The following MDFI variants were observed in gnomAD, a reference collection of about 807,000 sequenced individuals.
MDFI encodes the protein MyoD family inhibitor, also known as inhibitor of MyoD family a.
A neutral mutation model predicts 22.3 loss-of-function variants in MDFI; 16 were observed. That is an observed-to-expected ratio of 0.72 (90% CI 0.49 to 1.09). MDFI has a LOEUF of 1.09. MDFI is among the 50% of genes least tolerant of loss of function. The probability of loss-of-function intolerance (pLI) is 0.00; values close to 1 mark genes in which losing one functional copy is unlikely to be tolerated. For missense variants in MDFI, 314 were observed against 326.1 expected, an observed-to-expected ratio of 0.96 and a Z score of 0.29; for synonymous variants, 145 against 142.7, an observed-to-expected ratio of 1.02 and a Z score of -0.12.
At chr6:41,640,567 C>T (rs1767816396) in intron 2 of MDFI, among the ~76,000 whole-genome samples, 2 of 152,344 alleles carry the variant, frequency 1.3e-5, no homozygotes, top group Middle Eastern at 6.8e-3. Context: ...GCCCAAACCG[C>T]AGGAGACCCA....
At chr6:41,652,819 T>A (rs1168637380) in intron 4 of MDFI, among the ~76,000 whole-genome samples, 1 of 152,058 alleles carries the variant, frequency 6.6e-6, no homozygotes, top group Non-Finnish European at 1.5e-5. Flanking sequence ...GATTTCGCCA[T>A]GTTGGCCAGG....
intron 4 of MDFI, chr6:41,650,110 C>T: frequency 2.3e-6 from 1 of 438,342 alleles, no homozygotes; most frequent in Non-Finnish European, 4.0e-6. Context: ...CCTCCCCACC[C>T]CACCCCAAAC....
intron 3 of MDFI, among the ~76,000 whole-genome samples, chr6:41,648,683 A>C (rs768175081): frequency 2.0e-5 from 3 of 152,042 alleles, no homozygotes; most frequent in Non-Finnish European, 4.4e-5. Context: ...TGCACAGCTG[A>C]GGGGCCCCAG....
intron 2 of MDFI, among the ~76,000 whole-genome samples, chr6:41,642,030 C>A (rs1313577133): frequency 6.6e-6 from 1 of 152,126 alleles, no homozygotes; most frequent in Admixed American, 6.5e-5. Flanking sequence ...CAGAATCTTA[C>A]CCCATGTTAG....
chr6:41,644,299 C>G (rs909182525), intron 2 of MDFI, among the ~76,000 whole-genome samples: 1 of 152,324 alleles, frequency 6.6e-6, no homozygotes, highest in Admixed American at 6.5e-5. Context: ...GAGCCATGGG[C>G]CCCGGGAAGG....
intron 2 of MDFI, among the ~76,000 whole-genome samples, chr6:41,645,856 A>G (rs1768030202): frequency 6.6e-6 from 1 of 151,776 alleles, no homozygotes; most frequent in Non-Finnish European, 1.5e-5. Context: ...TTCTCTTTAT[A>G]TTCTGCCATC....
Position 41,649,353 on chromosome 6 carries a change from C to T in MDFI, c.260-266C>T, listed in dbSNP as rs549501488. On this transcript the variant is annotated intron_variant, in intron 3 of 4. Coordinates refer to ENST00000230321, the MANE Select transcript of MDFI (RefSeq NM_005586.4). ...TGAGGAACAAAGGAGAGGTCCAGGGCTCCGAGCCCCTGCCCTTATACATCT... is the reference window on the plus strand; with the variant it reads ...TGAGGAACAAAGGAGAGGTCCAGGGTTCCGAGCCCCTGCCCTTATACATCT... 7.2e-5 allele frequency among the ~76,000 whole-genome samples: 11 copies of T among 152,312 alleles called. No homozygotes were observed. In the East Asian group the frequency reaches 2.1e-3, roughly 29 times the overall value.
rs1393611183 is a variant in MDFI, at chr6:41,643,356, C to T, written c.77-2770C>T. Among the ~76,000 whole-genome samples, 6 of 152,196 alleles carry T rather than the reference C, an allele frequency of 3.9e-5. No homozygotes were observed. The East Asian group carries it at 9.7e-4, about 25-fold the overall frequency. ...GTGCTTCCACCATTCTTCCAGATGC[C>T]CCAGTGTAACTCTTGCACCTCTGGG... On this transcript the variant is annotated intron_variant, in intron 2 of 4. Coordinates refer to ENST00000230321, the MANE Select transcript of MDFI (RefSeq NM_005586.4).
chr6:41,653,235 G>GCTGC lies in MDFI; in HGVS notation c.485-83_485-82insTGCC. On this transcript the variant is annotated intron_variant, in intron 4 of 4. Coordinates refer to ENST00000230321, the MANE Select transcript of MDFI (RefSeq NM_005586.4). This position sits in a 1 kb window ranked among gnomAD's most constrained non-coding sequence, Gnocchi z 4.2. ...CAGCGTCCCTGCTGCTGCCGCTGCC[G>GCTGC]CAGGCCCCCACACCCCCGGCTATTT... 3 of 1,409,834 alleles carry GCTGC rather than the reference G, an allele frequency of 2.1e-6. No homozygotes were observed. The highest frequency in any genetic ancestry group is 2.9e-6 in the Non-Finnish European group (3 of 1,018,840). The allele number at this position is 1,409,834 out of a possible 1,614,324, so 87.3% of individuals were successfully genotyped here. A position where few individuals can be genotyped will look rare whatever the true frequency, so the allele number is the denominator to read the frequency against.
At chr6:41,644,944 C>T (rs975138809) in intron 2 of MDFI, among the ~76,000 whole-genome samples, 2 of 151,570 alleles carry the variant, frequency 1.3e-5, no homozygotes, top group African/African-American at 4.9e-5. Flanking sequence ...TGCCTCTCCC[C>T]GTGTCCCCCT....
At position 41,638,757 on chromosome 6, in the gene MDFI, A is replaced by G. The variant is rs774526007; in HGVS notation, c.8A>G (p.Gln3Arg). MY[Q>R]VSGQRPSGCD... ...TCCGCAGGTCCGGGGCCGATGTACC[A>G]GGTGAGCGGCCAGCGCCCCTCTGGC... The change falls in exon 2 of 5, where the codon CAG becomes CGG. Residue 3 changes from glutamine (Q) to arginine (R), a missense_variant. Coordinates refer to ENST00000230321, the MANE Select transcript of MDFI (RefSeq NM_005586.4). The surrounding 1 kb of genome is among the most constrained non-coding windows in gnomAD (Gnocchi z 7.6). 6.4e-7 allele frequency: 1 copy of G among 1,569,174 alleles called. No homozygotes were observed. The highest frequency in any genetic ancestry group is 1.8e-5 in the Admixed American group (1 of 54,258).
chr6:41,653,695 T>G lies in MDFI; in HGVS notation c.*120T>G, dbSNP rs1561836706. 7.7e-7 allele frequency: 1 copy of G among 1,297,116 alleles called. No individual in the cohort carries two copies. The highest frequency in any genetic ancestry group is 1.1e-6 in the Non-Finnish European group (1 of 944,180). 80.4% of individuals were successfully genotyped at this position (1,297,116 alleles called of 1,614,324 possible). On this transcript the variant is annotated 3_prime_UTR_variant, in exon 5 of 5. Transcript: ENST00000230321. This position sits in a 1 kb window ranked among gnomAD's most constrained non-coding sequence, Gnocchi z 4.2. ...GAGAAGCCCCCTCTCCCTGGTCCTC[T>G]CCTACCCACCCATGTCCTCTCAGAA...
At chr6:41,643,740 C>G (rs1402597675) in intron 2 of MDFI, among the ~76,000 whole-genome samples, 1 of 151,944 alleles carries the variant, frequency 6.6e-6, no homozygotes, top group Non-Finnish European at 1.5e-5. Context: ...GTGAAAGGCT[C>G]GTGAACAACC....
At chr6:41,644,064 G>A (rs777655103) in intron 2 of MDFI, among the ~76,000 whole-genome samples, 9 of 152,144 alleles carry the variant, frequency 5.9e-5, no homozygotes, top group African/African-American at 2.2e-4. Flanking sequence ...ATGGCAACTT[G>A]GTCTTAGCCT....
chr6:41,646,324 C>A lies in MDFI; in HGVS notation c.259+16C>A. 1 of 1,400,480 alleles carries A rather than the reference C, an allele frequency of 7.1e-7. No homozygotes were observed. 86.8% of individuals were successfully genotyped at this position (1,400,480 alleles called of 1,614,324 possible). On this transcript the variant is annotated intron_variant, in intron 3 of 4. Transcript: ENST00000230321. The stretch of plus-strand genomic sequence containing the variant: ...GCTGTGACATGTGAGTCCTAGGGGG[C>A]CAGGAGGTTGGATGGCAACATGTAG...
chr6:41,638,595 G>T lies in MDFI; in HGVS notation c.-69G>T. ...GGGCAGGGGCGCCCGGAGCAGGCGC[G>T]CATGGCGGGCCCCGCGCGGGGATCC... On this transcript the variant is annotated 5_prime_UTR_variant, in exon 1 of 5. Transcript: ENST00000230321. The surrounding 1 kb of genome is among the most constrained non-coding windows in gnomAD (Gnocchi z 7.6). The T allele has an allele frequency of 5.8e-6, 5 of 865,788 alleles. No homozygotes were observed. The Admixed American group carries it at 8.8e-5, about 15-fold the overall frequency. The allele number at this position is 865,788 out of a possible 1,614,324, so 53.6% of individuals were successfully genotyped here.
At position 41,653,858 on chromosome 6, in the gene MDFI, T is replaced by A; in HGVS notation, c.*283T>A. 1.0e-5 allele frequency: 5 copies of A among 482,852 alleles called. No homozygotes were observed. The highest frequency in any genetic ancestry group is 3.5e-5 in the Admixed American group (1 of 28,978). The allele number at this position is 482,852 out of a possible 1,614,324, so 29.9% of individuals were successfully genotyped here. ...TTGCTGAGGACCTGACAGGACAACC[T>A]AGGGGCAGGGCTGGGGTGGGGACCG... On this transcript the variant is annotated 3_prime_UTR_variant, in exon 5 of 5. Transcript: ENST00000230321. This position sits in a 1 kb window ranked among gnomAD's most constrained non-coding sequence, Gnocchi z 4.2.
In MDFI at chr6:41,646,130, G is replaced by T; in HGVS notation, c.81G>T (p.Gln27His). Residue 27 changes from glutamine to histidine, a missense_variant, in exon 3 of 5, where the codon CAG (glutamine) becomes CAT (histidine). Physicochemically the swap from Gln to His is conservative, Grantham distance 24. Coordinates refer to ENST00000230321, the MANE Select transcript of MDFI (RefSeq NM_005586.4). ...GAPSAAPGPA[Q>H]TLSLLPGLEV... is the part of the protein sequence containing the mutation. Reference sequence around the variant, plus strand: ...AGTCATCTGCTTTTTTCCTAGCCCAGACCCTATCCCTCCTTCCTGGGCTGG... The same window carrying T: ...AGTCATCTGCTTTTTTCCTAGCCCATACCCTATCCCTCCTTCCTGGGCTGG... The T allele has an allele frequency of 1.3e-6, 2 of 1,513,508 alleles. No individual in the cohort carries two copies. Among genetic ancestry groups the T allele is most frequent in the Non-Finnish European group, 1.8e-6 (2 of 1,130,782 alleles). 93.8% of individuals were successfully genotyped at this position (1,513,508 alleles called of 1,614,324 possible).
rs371081832 is a variant in MDFI at position 41,647,887 on chromosome 6, C to A, written c.259+1579C>A. Among the ~76,000 whole-genome samples, 406 of 151,708 alleles carry A rather than the reference C, an allele frequency of 2.7e-3. 2 individuals carry two copies. The highest frequency in any genetic ancestry group is 9.0e-3 in the African/African-American group (371 of 41,336). On this transcript the variant is annotated intron_variant, in intron 3 of 4. Transcript: ENST00000230321. ...GAAACCCCATCCCTACTAAAAAATA[C>A]AAAAAATTAGCCGGGCGTGGTGGCG... is the stretch of plus-strand genomic sequence containing the variant.
Sources: allele counts gnomAD v4.1 joint callset (sites outside exome capture counted in the v4.1 genomes callset), GRCh38; gene constraint gnomAD v4.1.1; non-coding constraint Gnocchi (gnomAD v3.1); transcripts MANE v1.5; gene names NCBI Gene and HGNC (gene_info 2026-07-23, HGNC 2026-07-21).